The following PPP1R9B variants were observed in gnomAD, a reference collection of about 807,000 sequenced individuals.
The protein encoded by PPP1R9B is protein phosphatase 1 regulatory subunit 9B, also known as neurabin-2.
Under a neutral mutation model 75.8 loss-of-function variants are expected in PPP1R9B, and 17 were observed. The ratio of observed to expected loss-of-function variants is 0.22; its 90% CI spans 0.15 to 0.34. The LOEUF (loss-of-function observed/expected upper bound fraction) is 0.34, where lower values mean the gene tolerates loss of function less well. PPP1R9B is among the 10% of genes least tolerant of loss of function. The pLI is 1.00. For missense variants in PPP1R9B, 875 were observed against 1,196.0 expected, an observed-to-expected ratio of 0.73 and a Z score of 3.96; for synonymous variants, 509 against 535.4, an observed-to-expected ratio of 0.95 and a Z score of 0.68.
At chr17:50,136,233 G>T in intron 7 of PPP1R9B, 36 bp from the exon 8 acceptor site, 1 of 1,553,332 alleles carries the variant, frequency 6.4e-7, no homozygotes, top group East Asian at 2.3e-5. Flanking sequence ...GTTGGTGGGG[G>T]CCAGCAGGAG....
At chr17:50,143,808 C>G (rs1268485645) in intron 2 of PPP1R9B, 90 bp from the exon 3 acceptor site, 9 of 1,554,870 alleles carry the variant, frequency 5.8e-6, no homozygotes, top group Non-Finnish European at 7.9e-6. Flanking sequence ...GCCCCCCCAT[C>G]AGGAAGCAGT....
rs1166149930 is a variant in PPP1R9B, at chr17:50,135,361, C to T, written c.2424G>A (p.Leu808=). 6 of 1,613,562 alleles carry T rather than the reference C, an allele frequency of 3.7e-6. No homozygotes were observed. The highest frequency in any genetic ancestry group is 1.7e-4 in the Middle Eastern group (1 of 6,016). The change falls in exon 10 of 10, where the codon TTG becomes TTA. Residue 808 remains leucine, a synonymous_variant. Transcript: ENST00000612501. ...TAGAATTGGAATTCCTCAGTGTTTG[C>T]AAGTTTCCTTCCAGTTCTGAGATCT... is the stretch of plus-strand genomic sequence containing the variant. The part of the protein sequence containing the change: ...LDKISELEGN[L]QTLRNSNST
rs1437060127 is a variant in PPP1R9B at position 50,150,004 on chromosome 17, C to T, written c.510G>A (p.Leu170=). 1.3e-6 allele frequency: 2 copies of T among 1,491,040 alleles called. No homozygotes were observed. Among genetic ancestry groups the T allele is most frequent in the Non-Finnish European group, 1.8e-6 (2 of 1,130,400 alleles). 92.4% of individuals were successfully genotyped at this position (1,491,040 alleles called of 1,614,324 possible). ...GCAGGCCGGCGCGCTCCTGCCTCAG[C>T]AGCCGCCGCGCCGCGGCCTCCTTGT... ...GGDKEAAARR[L]LRQERAGLQD... The change falls in exon 1 of 10, where the codon CTG becomes CTA. Residue 170 remains leucine, a synonymous_variant. Transcript: ENST00000612501. The surrounding 1 kb of genome is among the most constrained non-coding windows in gnomAD (Gnocchi z 8.7).
At chr17:50,147,171 C>T (rs1446860317) in intron 1 of PPP1R9B, among the ~76,000 whole-genome samples, 1 of 152,246 alleles carries the variant, frequency 6.6e-6, no homozygotes, top group Non-Finnish European at 1.5e-5. Flanking sequence ...AATCCCAGGC[C>T]TGGGCTCAGA....
Position 50,145,096 on chromosome 17 carries a change from GCCT to G in PPP1R9B, c.1504+14_1504+16del. 2 of 1,613,052 alleles carry G rather than the reference GCCT, an allele frequency of 1.2e-6. No homozygotes were observed. The highest frequency in any genetic ancestry group is 1.7e-6 in the Non-Finnish European group (2 of 1,179,690). On this transcript the variant is annotated intron_variant, in intron 2 of 9. Transcript: ENST00000612501. ...ACCCCAGCTGTGCGCAAGTGACGTGGCCTCCTGGCCTCTCACCCTTCTCCAGCT... is the reference window on the plus strand; with the variant it reads ...ACCCCAGCTGTGCGCAAGTGACGTGGCCTGGCCTCTCACCCTTCTCCAGCT...
At chr17:50,141,483 A>T in intron 3 of PPP1R9B, 110 bp from the exon 4 acceptor site, 1 of 625,862 alleles carries the variant, frequency 1.6e-6, no homozygotes, top group Non-Finnish European at 2.7e-6. Context: ...ACATAGTGAG[A>T]ACTCATCTCT....
rs1205245732 is a variant in PPP1R9B, at chr17:50,150,325, C to T, written c.189G>A (p.Gln63=). ...CCGAGGGCCCCGCCGTCGTGCCCAT[C>T]TGCAGGAACATACTTTTGATGCGGT... The part of the protein sequence containing the change: ...NVHRIKSMFL[Q]MGTTAGPSGE... Residue 63 remains glutamine (Q), a synonymous_variant, in exon 1 of 10, where the codon CAG becomes CAA. Transcript: ENST00000612501. The surrounding 1 kb of genome is among the most constrained non-coding windows in gnomAD (Gnocchi z 8.7). 6 of 1,450,606 alleles carry T rather than the reference C, an allele frequency of 4.1e-6. No homozygotes were observed. Among genetic ancestry groups the T allele is most frequent in the Non-Finnish European group, 5.5e-6 (6 of 1,098,984 alleles). The allele number at this position is 1,450,606 out of a possible 1,614,324, so 89.9% of individuals were successfully genotyped here. A position where few individuals can be genotyped will look rare whatever the true frequency, so the allele number is the denominator to read the frequency against.
At position 50,144,691 on chromosome 17, in the gene PPP1R9B, T is replaced by A. The variant is rs547612861; in HGVS notation, c.1504+422A>T. Among the ~76,000 whole-genome samples, 6 of 152,224 alleles carry A rather than the reference T, an allele frequency of 3.9e-5. No homozygotes were observed. In the South Asian group the frequency reaches 1.2e-3, roughly 32 times the overall value. ...CTGGTTAGGTCACCTGTTAAACGCT[T>A]TTACAGTGGCCCCTCCTTACCTTCC... On this transcript the variant is annotated intron_variant, in intron 2 of 9. Coordinates refer to ENST00000612501, the MANE Select transcript of PPP1R9B (RefSeq NM_032595.5).
rs1215694509 is a variant in PPP1R9B, at chr17:50,134,262, C to G, written c.*1069G>C. On this transcript the variant is annotated 3_prime_UTR_variant, in exon 10 of 10. Transcript: ENST00000612501. The stretch of plus-strand genomic sequence containing the variant: ...AGAAGGCAGGCTGCCAGCAGGGCAG[C>G]CCTGGTCTCCAAAAAGATGAGTAGT... 6.6e-6 allele frequency: 1 copy of G among 152,600 alleles called. No homozygotes were observed. Among genetic ancestry groups the G allele is most frequent in the Non-Finnish European group, 1.5e-5 (1 of 68,020 alleles). The allele number at this position is 152,600 out of a possible 1,614,324, so 9.5% of individuals were successfully genotyped here. A position where few individuals can be genotyped will look rare whatever the true frequency, so the allele number is the denominator to read the frequency against.
At position 50,149,899 on chromosome 17, in the gene PPP1R9B, G is replaced by A; in HGVS notation, c.615C>T (p.Ser205=). ...ALDKLDADAV[S]PTVSQLSAVF... The stretch of plus-strand genomic sequence containing the variant: ...CGGCGCTGAGCTGGCTGACCGTGGG[G>A]GACACGGCGTCAGCGTCCAGCTTGT... Residue 205 remains serine, a synonymous_variant, in exon 1 of 10, where the codon TCC becomes TCT. Transcript: ENST00000612501. This position sits in a 1 kb window ranked among gnomAD's most constrained non-coding sequence, Gnocchi z 7.2. 6.6e-7 allele frequency: 1 copy of A among 1,506,816 alleles called. No homozygotes were observed. The highest frequency in any genetic ancestry group is 8.8e-7 in the Non-Finnish European group (1 of 1,135,076). 93.3% of individuals were successfully genotyped at this position (1,506,816 alleles called of 1,614,324 possible).
Position 50,136,117 on chromosome 17 carries a change from C to T in PPP1R9B, c.2154G>A (p.Glu718=). Residue 718 remains glutamate, a synonymous_variant, in exon 8 of 10, where the codon GAG becomes GAA. Coordinates refer to ENST00000612501, the MANE Select transcript of PPP1R9B (RefSeq NM_032595.5). ...QLEQSVEENK[E]RMEKLEGYWG... ...AGTAGCCTTCCAGTTTCTCCATGCG[C>T]TCCTTGTTCTCCTCCACACTCTGCT... 6.2e-7 allele frequency: 1 copy of T among 1,609,072 alleles called. No individual in the cohort carries two copies. Among genetic ancestry groups the T allele is most frequent in the Non-Finnish European group, 8.5e-7 (1 of 1,179,840 alleles).
At chr17:50,136,974 T>C (rs1417662983) in intron 7 of PPP1R9B, among the ~76,000 whole-genome samples, 2 of 152,186 alleles carry the variant, frequency 1.3e-5, no homozygotes, top group Non-Finnish European at 2.9e-5. Context: ...CTCATAGCCA[T>C]GTTGGCACTC....
intron 1 of PPP1R9B, among the ~76,000 whole-genome samples, chr17:50,145,483 T>TC (rs1912490364): frequency 6.6e-6 from 1 of 152,154 alleles, no homozygotes; most frequent in Non-Finnish European, 1.5e-5. Flanking sequence ...GCACTGCTAT[T>TC]CTCTCTGTAG....
intron 4 of PPP1R9B, among the ~76,000 whole-genome samples, chr17:50,140,694 C>T (rs1358623891): frequency 6.6e-6 from 1 of 152,176 alleles, no homozygotes; most frequent in South Asian, 2.1e-4. Flanking sequence ...TTCCAGGCAC[C>T]AGCCCCTCCT....
intron 1 of PPP1R9B, among the ~76,000 whole-genome samples, chr17:50,148,574 C>G (rs1325425878): frequency 6.6e-6 from 1 of 152,256 alleles, no homozygotes. Flanking sequence ...ATCTGCTTCC[C>G]TCTTTCACTT....
At chr17:50,141,845 C>A (rs970044242) in intron 3 of PPP1R9B, among the ~76,000 whole-genome samples, 6 of 152,196 alleles carry the variant, frequency 3.9e-5, no homozygotes, top group Non-Finnish European at 7.4e-5. Flanking sequence ...AAAGCAGACA[C>A]AGGCGTCCAG....
In PPP1R9B at chr17:50,139,243, A is replaced by C. The variant is rs1422742522; in HGVS notation, c.2073+20T>G. On this transcript the variant is annotated intron_variant, in intron 7 of 9. Coordinates refer to ENST00000612501, the MANE Select transcript of PPP1R9B (RefSeq NM_032595.5). The surrounding 1 kb of genome is among the most constrained non-coding windows in gnomAD (Gnocchi z 5.0). ...CACACACATGCACGCACGCAAAAGC[A>C]CACACATACGCACCCTTACCTTTCT... 6.2e-7 allele frequency: 1 copy of C among 1,614,034 alleles called. No individual in the cohort carries two copies. Among genetic ancestry groups the C allele is most frequent in the South Asian group, 1.1e-5 (1 of 91,090 alleles).
Position 50,150,263 on chromosome 17 carries a change from G to A in PPP1R9B, c.251C>T (p.Pro84Leu), listed in dbSNP as rs753296880. The part of the protein sequence containing the change: ...AGGGAGLAEA[P>L]RASERGVRLS... Reference sequence around the variant, plus strand: ...GCGCACGCCGCGCTCGGACGCCCGTGGGGCCTCGGCCAGGCCCGCGCCGCC... The same window carrying A: ...GCGCACGCCGCGCTCGGACGCCCGTAGGGCCTCGGCCAGGCCCGCGCCGCC... The change falls in exon 1 of 10, where the codon CCA becomes CTA. Residue 84 changes from proline to leucine, a missense_variant. Physicochemically the swap from Pro to Leu is moderately conservative, Grantham distance 98. Coordinates refer to ENST00000612501, the MANE Select transcript of PPP1R9B (RefSeq NM_032595.5). The surrounding 1 kb of genome is among the most constrained non-coding windows in gnomAD (Gnocchi z 8.7). The A allele has an allele frequency of 6.2e-6, 9 of 1,446,618 alleles. No homozygotes were observed. The highest frequency in any genetic ancestry group is 1.5e-5 in the African/African-American group (1 of 67,360). 89.6% of individuals were successfully genotyped at this position (1,446,618 alleles called of 1,614,324 possible).
At chr17:50,140,502 A>G (rs1912347312) in intron 4 of PPP1R9B, 2 of 496,472 alleles carry the variant, frequency 4.0e-6, no homozygotes, top group African/African-American at 2.0e-5. Context: ...TGCAGGGGAC[A>G]TGCACTGAGG....
Sources: gnomAD v4.1 joint callset for allele counts (sites outside exome capture counted in the v4.1 genomes callset) on GRCh38, gnomAD v4.1.1 for gene constraint, Gnocchi (gnomAD v3.1) non-coding constraint, MANE v1.5 for transcripts, NCBI Gene and HGNC (gene_info 2026-07-23, HGNC 2026-07-21) for gene names.